EDA: variants seen among roughly 807,000 people sequenced by gnomAD.
EDA encodes ectodysplasin-A.
In EDA, 2 loss-of-function variants were observed where a neutral mutation model predicts 23.6. The observed-to-expected ratio is 0.08, with a 90% confidence interval of 0.03 to 0.27. The LOEUF is 0.27. Among genes scored for constraint, EDA ranks in the 10% least tolerant of loss-of-function variants. The pLI, the probability that EDA is intolerant of heterozygous loss-of-function variation, is 1.00. For synonymous variants in EDA, 131 were observed against 132.0 expected (o/e 0.99, Z 0.05); for missense variants, 229 against 324.2 (o/e 0.71, Z 2.26).
chrX:69,843,855 T>G (rs2016948998), intron 1 of EDA, among the ~76,000 whole-genome samples: 1 of 109,832 alleles, frequency 9.1e-6, no homozygotes, highest in Non-Finnish European at 1.9e-5. Context: ...ACCCCGTCTC[T>G]ATTAAAAATA....
intron 1 of EDA, among the ~76,000 whole-genome samples, chrX:69,739,721 T>A (rs1387028319): frequency 9.0e-6 from 1 of 111,314 alleles, no homozygotes; most frequent in Non-Finnish European, 1.9e-5. Flanking sequence ...GTTCATTTTT[T>A]ACTAGCTTAA....
At chrX:70,008,118 C>T (rs1192402726) in intron 2 of EDA, among the ~76,000 whole-genome samples, 2 of 111,937 alleles carry the variant, frequency 1.8e-5, no homozygotes, top group Admixed American at 9.5e-5. Flanking sequence ...CCTGTTCTTG[C>T]CTATTGCATC....
At position 69,711,266 on chromosome X, in the gene EDA, T is replaced by A. The variant is rs77921987; in HGVS notation, c.396+94562T>A. ...TTGAGATAATCACGTGGTTTTTGTC[T>A]TTGGTTCTGTTTATATGCTGGATTA... On this transcript the variant is annotated intron_variant, in intron 1 of 7. Transcript: ENST00000374552. Among the ~76,000 whole-genome samples, 129 of 110,398 alleles carry A rather than the reference T, an allele frequency of 1.2e-3. 1 individual carries two copies. The highest frequency in any genetic ancestry group is 4.2e-3 in the Admixed American group (43 of 10,343).
intron 1 of EDA, among the ~76,000 whole-genome samples, chrX:69,896,332 C>T (rs1302669091): frequency 9.0e-6 from 1 of 110,538 alleles, no homozygotes; most frequent in African/African-American, 3.3e-5. Flanking sequence ...ACATCTTGGT[C>T]TGCCAGTTGG....
chrX:69,828,285 G>T (rs2016512146), intron 1 of EDA, among the ~76,000 whole-genome samples: 2 of 112,149 alleles, frequency 1.8e-5, no homozygotes, highest in African/African-American at 6.5e-5. Flanking sequence ...AATGGTGGGC[G>T]CCCCTCTCCC....
At chrX:69,982,206 G>A (rs2019418818) in intron 2 of EDA, among the ~76,000 whole-genome samples, 1 of 111,549 alleles carries the variant, frequency 9.0e-6, no homozygotes, top group Non-Finnish European at 1.9e-5. Flanking sequence ...TTGAGACTTA[G>A]AGCAGCTGCT....
intron 1 of EDA, among the ~76,000 whole-genome samples, chrX:69,831,971 C>A (rs1485317828): frequency 9.0e-6 from 1 of 111,199 alleles, no homozygotes; most frequent in African/African-American, 3.3e-5. Context: ...CAAAAATTTT[C>A]TCCCATTCTG....
chrX:69,725,881 A>G (rs901324551), intron 1 of EDA, among the ~76,000 whole-genome samples: 2 of 112,361 alleles, frequency 1.8e-5, no homozygotes, highest in Non-Finnish European at 3.8e-5. Flanking sequence ...TCCCAGAGAG[A>G]AAGGAGATGT....
At chrX:69,744,339 A>G (rs188912681) in intron 1 of EDA, among the ~76,000 whole-genome samples, 4 of 111,980 alleles carry the variant, frequency 3.6e-5, no homozygotes, top group Admixed American at 9.4e-5. Flanking sequence ...GTCCAAGATT[A>G]TGTAGAAGGC....
At chrX:69,677,378 G>A (rs1051566185) in intron 1 of EDA, among the ~76,000 whole-genome samples, 1 of 111,196 alleles carries the variant, frequency 9.0e-6, no homozygotes, top group Non-Finnish European at 1.9e-5. Flanking sequence ...GGCATTTCTA[G>A]TTCTAGATCC....
intron 1 of EDA, among the ~76,000 whole-genome samples, chrX:69,766,852 T>C (rs1222660210): frequency 8.9e-6 from 1 of 112,466 alleles, no homozygotes. Context: ...TTTTTAGCTC[T>C]TTGAGGAATC....
intron 1 of EDA, among the ~76,000 whole-genome samples, chrX:69,862,128 T>C (rs1414487248): frequency 9.0e-6 from 1 of 111,517 alleles, no homozygotes; most frequent in African/African-American, 3.3e-5. Context: ...AAGATTTGAC[T>C]GGGGCTAGAG....
chrX:69,836,291 G>A (rs1436743717), intron 1 of EDA, among the ~76,000 whole-genome samples: 2 of 112,384 alleles, frequency 1.8e-5, no homozygotes, highest in African/African-American at 3.2e-5. Context: ...GGACATTTAA[G>A]TCTGCAGAAG....
intron 1 of EDA, among the ~76,000 whole-genome samples, chrX:69,829,681 C>T (rs1240897405): frequency 8.9e-6 from 1 of 112,043 alleles, no homozygotes; most frequent in Non-Finnish European, 1.9e-5. Context: ...GCACCTGCTT[C>T]TGAAACCATT....
chrX:69,871,472 G>T (rs953544211), intron 1 of EDA, among the ~76,000 whole-genome samples: 1 of 111,612 alleles, frequency 9.0e-6, no homozygotes, highest in Non-Finnish European at 1.9e-5. Flanking sequence ...CAGTGTTCGA[G>T]GGCAGGAAGC....
At position 69,955,153 on chromosome X, in the gene EDA, C is replaced by T. The variant is rs368427248; in HGVS notation, c.397-1874C>T. 4.5e-5 allele frequency among the ~76,000 whole-genome samples: 5 copies of T among 111,802 alleles called. No homozygotes were observed. In the East Asian group the frequency reaches 1.1e-3, roughly 25 times the overall value. ...GTTTTATACTATTATTAGTACTTAGCTTATTTATATTGTGAGTTAAGTAAC... is the reference window on the plus strand; with the variant it reads ...GTTTTATACTATTATTAGTACTTAGTTTATTTATATTGTGAGTTAAGTAAC... On this transcript the variant is annotated intron_variant, in intron 1 of 7. Coordinates refer to ENST00000374552, the MANE Select transcript of EDA (RefSeq NM_001399.5).
intron 2 of EDA, among the ~76,000 whole-genome samples, chrX:69,979,119 C>G (rs1203013117): frequency 8.9e-6 from 1 of 111,736 alleles, no homozygotes; most frequent in Non-Finnish European, 1.9e-5. Context: ...TCTATGACTA[C>G]CTATTCTAGT....
intron 2 of EDA, among the ~76,000 whole-genome samples, chrX:70,017,048 C>CA (rs201606796): frequency 2.1e-3 from 215 of 102,302 alleles, no homozygotes; most frequent in African/African-American, 5.3e-3. Flanking sequence ...AACAGAAATG[C>CA]AAAAAAAAAA....
intron 1 of EDA, among the ~76,000 whole-genome samples, chrX:69,778,813 A>G (rs190133086): frequency 9.0e-6 from 1 of 111,479 alleles, no homozygotes; most frequent in East Asian, 2.8e-4. Flanking sequence ...TGATGGAGTA[A>G]AAACACTTCC....
Sources: allele counts gnomAD v4.1 joint callset (sites outside exome capture counted in the v4.1 genomes callset), GRCh38; gene constraint gnomAD v4.1.1; transcripts MANE v1.5; gene names NCBI Gene and HGNC (gene_info 2026-07-23, HGNC 2026-07-21).